ARHGEF17: variants seen among roughly 807,000 people sequenced by gnomAD.
ARHGEF17 encodes the protein Rho guanine nucleotide exchange factor 17.
ARHGEF17 carries 80 observed loss-of-function variants against 174.0 expected under a neutral mutation model. The observed-to-expected ratio is 0.46, with a 90% CI of 0.38 to 0.55. The LOEUF (loss-of-function observed/expected upper bound fraction) is 0.55, where lower values mean the gene tolerates loss of function less well. Among genes scored for constraint, ARHGEF17 ranks in the 20% least tolerant of loss-of-function variants. ARHGEF17 has a pLI of 0.00. For missense variants in ARHGEF17, 2,886 were observed against 2,839.7 expected, an observed-to-expected ratio of 1.02 and a Z score of -0.37; for synonymous variants, 1,311 against 1,189.1, an observed-to-expected ratio of 1.10 and a Z score of -2.11.
At chr11:73,364,691 G>A (rs1865807602) in intron 18 of ARHGEF17, 91 bp downstream of exon 18, 2 of 1,486,986 alleles carry the variant, frequency 1.3e-6, no homozygotes, top group Non-Finnish European at 1.8e-6. Flanking sequence ...GGCATAAGCA[G>A]CATCCAGCAG....
intron 1 of ARHGEF17, among the ~76,000 whole-genome samples, chr11:73,322,912 G>A (rs536526290): frequency 1.3e-5 from 2 of 152,274 alleles, no homozygotes; most frequent in East Asian, 3.9e-4. Context: ...AGCTGGCGAG[G>A]GGAGAACTGA....
At position 73,325,625 on chromosome 11, in the gene ARHGEF17, A is replaced by G. The variant is rs548772340; in HGVS notation, c.3192+13795A>G. Among the ~76,000 whole-genome samples, 36 of 152,370 alleles carry G rather than the reference A, an allele frequency of 2.4e-4. 2 individuals carry two copies. The South Asian group carries it at 7.0e-3, about 30-fold the overall frequency. The stretch of plus-strand genomic sequence containing the variant: ...CATACCCACAAAGACATCTGTACAG[A>G]TATCAGGAGTGAGGACCGAGCCTGA... On this transcript the variant is annotated intron_variant, in intron 1 of 20. Coordinates refer to ENST00000263674, the MANE Select transcript of ARHGEF17 (RefSeq NM_014786.4).
At chr11:73,343,171 A>G (rs1009994353) in intron 1 of ARHGEF17, 3 of 317,720 alleles carry the variant, frequency 9.4e-6, no homozygotes, top group Non-Finnish European at 1.7e-5. Context: ...ACCCTGGCCC[A>G]GTTCACCATC....
chr11:73,311,211 C>T lies in ARHGEF17; in HGVS notation c.2573C>T (p.Pro858Leu), dbSNP rs377082578. ...EPIREVEPML[P>L]PSSSEPILVE... ...ATCCGAGAAGTTGAGCCCATGCTGC[C>T]TCCATCCAGCAGCGAGCCCATCCTT... The change falls in exon 1 of 21, where the codon CCT becomes CTT. Residue 858 changes from proline (P) to leucine (L), a missense_variant. Around this residue, in one of 4 missense-constraint regions of ARHGEF17, gnomAD observed 1,728 missense variants for 1,461.2 expected, o/e 1.18. Transcript: ENST00000263674. 7 of 1,601,872 alleles carry T rather than the reference C, an allele frequency of 4.4e-6. No homozygotes were observed. The African/African-American group carries it at 5.4e-5, about 12-fold the overall frequency.
Position 73,365,385 on chromosome 11 carries a change from C to T in ARHGEF17, c.5551-5C>T. The T allele has an allele frequency of 6.2e-7, 1 of 1,613,848 alleles. No homozygotes were observed. Among genetic ancestry groups the T allele is most frequent in the African/African-American group, 1.3e-5 (1 of 75,034 alleles). On this transcript the variant is annotated splice_polypyrimidine_tract_variant and splice_region_variant and intron_variant, in intron 18 of 20. Coordinates refer to ENST00000263674, the MANE Select transcript of ARHGEF17 (RefSeq NM_014786.4). The surrounding 1 kb of genome is among the most constrained non-coding windows in gnomAD (Gnocchi z 4.9). ...ATGACCCATCTTCTCCCCCGCCTTCCCCAGCACATGTTTTACGTGGGTCAG... is the reference window on the plus strand; with the variant it reads ...ATGACCCATCTTCTCCCCCGCCTTCTCCAGCACATGTTTTACGTGGGTCAG...
chr11:73,319,476 T>C (rs11826797), intron 1 of ARHGEF17, among the ~76,000 whole-genome samples: 19,644 of 152,224 alleles, frequency 0.13, 1,591 homozygotes, highest in African/African-American at 0.23. Flanking sequence ...GTCCCTGTTA[T>C]TATGTAAGGT....
intron 16 of ARHGEF17, 71 bp from the exon 17 acceptor site, chr11:73,364,101 G>A: frequency 6.7e-7 from 1 of 1,488,664 alleles, no homozygotes; most frequent in Non-Finnish European, 9.3e-7. Flanking sequence ...TCTATCTGTG[G>A]TTCCCCTGGT....
chr11:73,359,991 G>C, intron 10 of ARHGEF17, 39 bp downstream of exon 10: 1 of 1,528,476 alleles, frequency 6.5e-7, no homozygotes, highest in Non-Finnish European at 8.9e-7. Context: ...GCCAGAGGGT[G>C]GGAGGCTTCT....
In ARHGEF17 at chr11:73,308,857, C is replaced by T. The variant is rs1297888767; in HGVS notation, c.219C>T (p.Arg73=). Residue 73 remains arginine (R), a synonymous_variant, in exon 1 of 21, where the codon CGC becomes CGT. Coordinates refer to ENST00000263674, the MANE Select transcript of ARHGEF17 (RefSeq NM_014786.4). The part of the protein sequence containing the change: ...SGPLAAPAQP[R]PLRSLSPSVR... Reference sequence around the variant, plus strand: ...CCCTGGCCGCCCCCGCGCAGCCGCGCCCGCTCCGCAGCCTCTCGCCGTCGG... The same window carrying T: ...CCCTGGCCGCCCCCGCGCAGCCGCGTCCGCTCCGCAGCCTCTCGCCGTCGG... The T allele has an allele frequency of 7.4e-7, 1 of 1,345,830 alleles. No homozygotes were observed. The allele number at this position is 1,345,830 out of a possible 1,614,324, so 83.4% of individuals were successfully genotyped here. A position where few individuals can be genotyped will look rare whatever the true frequency, so the allele number is the denominator to read the frequency against.
chr11:73,309,353 T>A lies in ARHGEF17; in HGVS notation c.715T>A (p.Ser239Thr), dbSNP rs752335747. The A allele has an allele frequency of 1.0e-5, 16 of 1,604,988 alleles. No homozygotes were observed. The highest frequency in any genetic ancestry group is 1.4e-5 in the Non-Finnish European group (16 of 1,176,798). ...ASCSSSSIAASYPVSRSRAAS... is the reference protein window; with the variant it reads ...ASCSSSSIAATYPVSRSRAAS... ...CTGCTCCTCCTCCTCCATCGCCGCC[T>A]CCTATCCTGTCAGCCGCAGTCGTGC... Residue 239 changes from serine (S) to threonine (T), a missense_variant, in exon 1 of 21, where the codon TCC (serine) becomes ACC (threonine). Ser to Thr is a moderately conservative substitution (Grantham distance 58, BLOSUM62 1). Coordinates refer to ENST00000263674, the MANE Select transcript of ARHGEF17 (RefSeq NM_014786.4).
At chr11:73,324,826 A>C (rs1370663480) in intron 1 of ARHGEF17, among the ~76,000 whole-genome samples, 1 of 152,242 alleles carries the variant, frequency 6.6e-6, no homozygotes, top group Non-Finnish European at 1.5e-5. Flanking sequence ...ACCAGCACAT[A>C]GTAGTTGCTC....
Position 73,311,652 on chromosome 11 carries a change from A to T in ARHGEF17, c.3014A>T (p.Asp1005Val), listed in dbSNP as rs769215815. 9.8e-5 allele frequency: 158 copies of T among 1,613,250 alleles called. No homozygotes were observed. Among genetic ancestry groups the T allele is most frequent in the Non-Finnish European group, 1.2e-4 (136 of 1,179,980 alleles). ...ACGTTGCAGGCACCATCGCTCGAGG[A>T]CGTCACCAAGCAGTACATGCTGAAC... ...HPTLQAPSLEDVTKQYMLNLH... is the reference protein window; with the variant it reads ...HPTLQAPSLEVVTKQYMLNLH... The change falls in exon 1 of 21, where the codon GAC becomes GTC. Residue 1005 changes from aspartate (D) to valine (V), a missense_variant. Asp to Val is a radical substitution (Grantham distance 152). This residue lies in a region of ARHGEF17 where 1,728 missense variants were observed against 1,461.2 expected (regional missense o/e 1.18). Coordinates refer to ENST00000263674, the MANE Select transcript of ARHGEF17 (RefSeq NM_014786.4).
rs147471306 is a variant in ARHGEF17, at chr11:73,310,672, G to A, written c.2034G>A (p.Thr678=). Residue 678 remains threonine, a synonymous_variant, in exon 1 of 21, where the codon ACG becomes ACA. Transcript: ENST00000263674. ...WRPLSSSSAQ[T]NHHGPGTEDS... is the part of the protein sequence containing the mutation. ...CTCTTTCCTCATCCTCGGCCCAGAC[G>A]AACCACCATGGCCCTGGGACTGAGG... 2.5e-6 allele frequency: 4 copies of A among 1,613,758 alleles called. No homozygotes were observed. Among genetic ancestry groups the A allele is most frequent in the African/African-American group, 2.7e-5 (2 of 74,932 alleles).
chr11:73,353,292 A>T, intron 3 of ARHGEF17: 1 of 502,220 alleles, frequency 2.0e-6, no homozygotes, highest in Non-Finnish European at 3.6e-6. Flanking sequence ...CCTGGCTGGC[A>T]CTGACGTGAC....
At chr11:73,362,793 G>A (rs1865769824) in intron 14 of ARHGEF17, 59 bp downstream of exon 14, 1 of 1,554,572 alleles carries the variant, frequency 6.4e-7, no homozygotes, top group South Asian at 1.2e-5. Flanking sequence ...CTGCCCAGAG[G>A]AGGGGGAGAG....
At position 73,357,023 on chromosome 11, in the gene ARHGEF17, A is replaced by G; in HGVS notation, c.3892-2A>G. ...GCCTGAATTCTGCCTTGGGCTCCACAGAAGGCGATCGGTGGCAAGAAGGAC... is the reference window on the plus strand; with the variant it reads ...GCCTGAATTCTGCCTTGGGCTCCACGGAAGGCGATCGGTGGCAAGAAGGAC... On this transcript the variant is annotated splice_acceptor_variant, in intron 7 of 20. Coordinates refer to ENST00000263674, the MANE Select transcript of ARHGEF17 (RefSeq NM_014786.4). LOFTEE classifies it high-confidence loss of function. 6.2e-7 allele frequency: 1 copy of G among 1,614,062 alleles called. No individual in the cohort carries two copies. Among genetic ancestry groups the G allele is most frequent in the South Asian group, 1.1e-5 (1 of 91,078 alleles).
chr11:73,364,445 A>C lies in ARHGEF17; in HGVS notation c.5402-7A>C. ...GTGAATTTCCTGTTTTCTTTACCCC[A>C]CTCCAGGCCATTTCTGGGACCCCCA... On this transcript the variant is annotated splice_region_variant and splice_polypyrimidine_tract_variant and intron_variant, in intron 17 of 20. Coordinates refer to ENST00000263674, the MANE Select transcript of ARHGEF17 (RefSeq NM_014786.4). The C allele has an allele frequency of 6.2e-7, 1 of 1,612,750 alleles. No homozygotes were observed. The highest frequency in any genetic ancestry group is 1.1e-5 in the South Asian group (1 of 91,038).
At chr11:73,325,895 G>A (rs1458085155) in intron 1 of ARHGEF17, among the ~76,000 whole-genome samples, 3 of 152,258 alleles carry the variant, frequency 2.0e-5, no homozygotes, top group Non-Finnish European at 4.4e-5. Context: ...CCATGGGACA[G>A]CCCAGCCATT....
intron 1 of ARHGEF17, chr11:73,342,944 A>C: frequency 1.1e-5 from 2 of 177,468 alleles, no homozygotes; most frequent in East Asian, 1.4e-4. Context: ...CGGAGGAGGC[A>C]GCAGCGCCGC....
Sources: allele counts gnomAD v4.1 joint callset (sites outside exome capture counted in the v4.1 genomes callset), GRCh38; gene constraint gnomAD v4.1.1; regional missense constraint gnomAD v4.1.1; non-coding constraint Gnocchi (gnomAD v3.1); transcripts MANE v1.5; gene names NCBI Gene and HGNC (gene_info 2026-07-23, HGNC 2026-07-21).